The following SLC22A16 variants were observed in gnomAD, a reference collection of about 807,000 sequenced individuals.
The protein encoded by SLC22A16 is WUGSC:RG331P03.1.
Under a neutral mutation model 52.9 loss-of-function variants are expected in SLC22A16, and 53 were observed. That is an observed-to-expected ratio of 1.00 (90% CI 0.80 to 1.26). The LOEUF (loss-of-function observed/expected upper bound fraction) is 1.26, where lower values mean the gene tolerates loss of function less well. SLC22A16 is among the 50% of genes most tolerant of loss of function. The pLI, the probability that SLC22A16 is intolerant of heterozygous loss-of-function variation, is 0.00. For synonymous variants in SLC22A16, 291 were observed against 268.8 expected (o/e 1.08, Z -0.81); for missense variants, 726 against 704.0 (o/e 1.03, Z -0.35).
intron 7 of SLC22A16, among the ~76,000 whole-genome samples, chr6:110,430,467 G>A (rs1418453448): frequency 6.6e-6 from 1 of 152,046 alleles, no homozygotes; most frequent in Non-Finnish European, 1.5e-5. Flanking sequence ...AATCAGAAAA[G>A]AGAAAGGAGG....
chr6:110,476,243 G>T, intron 1 of SLC22A16: 2 of 894,830 alleles, frequency 2.2e-6, no homozygotes, highest in Non-Finnish European at 3.1e-6. Context: ...ATCTGCTGCC[G>T]CGGAGAGCAC....
intron 1 of SLC22A16, among the ~76,000 whole-genome samples, chr6:110,461,095 C>G (rs914222600): frequency 2.0e-5 from 3 of 152,218 alleles, no homozygotes; most frequent in Non-Finnish European, 2.9e-5. Flanking sequence ...GCTGCATCCC[C>G]ACTGAAAGTG....
chr6:110,468,662 A>G (rs2114279435), intron 1 of SLC22A16, among the ~76,000 whole-genome samples: 1 of 150,092 alleles, frequency 6.7e-6, no homozygotes, highest in Non-Finnish European at 1.5e-5. Flanking sequence ...AAAAAAAACA[A>G]AATGGAGAAG....
intron 1 of SLC22A16, among the ~76,000 whole-genome samples, chr6:110,457,233 G>A (rs561914792): frequency 3.9e-5 from 6 of 152,154 alleles, no homozygotes; most frequent in East Asian, 1.9e-4. Context: ...GACATCCCAA[G>A]AGCAGCAAGC....
intron 2 of SLC22A16, chr6:110,455,763 A>C (rs1204730160): frequency 1.3e-5 from 2 of 152,164 alleles, no homozygotes; most frequent in Non-Finnish European, 2.9e-5. Context: ...GGGAGGTGAT[A>C]AAGTCATGAC....
chr6:110,433,387 T>C (rs1774586678), intron 6 of SLC22A16, among the ~76,000 whole-genome samples: 1 of 152,220 alleles, frequency 6.6e-6, no homozygotes, highest in South Asian at 2.1e-4. Context: ...CAGGGCTGCC[T>C]GCCCTAGCAT....
At chr6:110,425,413 C>T in intron 7 of SLC22A16, 1 of 1,317,780 alleles carries the variant, frequency 7.6e-7, no homozygotes, top group Non-Finnish European at 1.0e-6. Flanking sequence ...GACACTTACC[C>T]CATCTTTCCA....
intron 3 of SLC22A16, among the ~76,000 whole-genome samples, chr6:110,445,017 T>C (rs1775113911): frequency 6.6e-6 from 1 of 152,110 alleles, no homozygotes; most frequent in African/African-American, 2.4e-5. Context: ...TCCAAAACAC[T>C]CTGTGAATCC....
intron 7 of SLC22A16, 94 bp from the exon 8 acceptor site, chr6:110,425,179 G>A: frequency 3.2e-6 from 5 of 1,550,936 alleles, no homozygotes; most frequent in Non-Finnish European, 4.4e-6. Flanking sequence ...AGAGGGTAAT[G>A]GATTTGAATT....
At chr6:110,459,370 C>T (rs749040931) in intron 1 of SLC22A16, among the ~76,000 whole-genome samples, 1 of 152,206 alleles carries the variant, frequency 6.6e-6, no homozygotes, top group Non-Finnish European at 1.5e-5. Context: ...TGTATCCCTC[C>T]TATGATCTGA....
In SLC22A16 at chr6:110,442,673, C is replaced by T; in HGVS notation, c.754G>A (p.Val252Ile). 1 of 1,614,140 alleles carries T rather than the reference C, an allele frequency of 6.2e-7. No homozygotes were observed. Among genetic ancestry groups the T allele is most frequent in the South Asian group, 1.1e-5 (1 of 91,086 alleles). Residue 252 changes from valine to isoleucine, a missense_variant, in exon 4 of 8, where the codon GTT (valine) becomes ATT (isoleucine). Transcript: ENST00000368919. ...GTCAAAGCCACCAGCAGGGTTCCAA[C>T]TGCAAAAAAGGAATGCAAATGGACA... ...ASVHLHSFFAVGTLLVALTGY... is the reference protein window; with the variant it reads ...ASVHLHSFFAIGTLLVALTGY...
chr6:110,441,488 G>A (rs1452141848), intron 4 of SLC22A16, among the ~76,000 whole-genome samples: 3 of 152,188 alleles, frequency 2.0e-5, no homozygotes, highest in South Asian at 4.1e-4. Flanking sequence ...TGGTTACCAA[G>A]GGGGGCCATG....
rs140426435 is a variant in SLC22A16, at chr6:110,436,820, G to A, written c.1312-859C>T. On this transcript the variant is annotated intron_variant, in intron 5 of 7. Coordinates refer to ENST00000368919, the MANE Select transcript of SLC22A16 (RefSeq NM_033125.4). ...ATGGCAAAACCTTTACCTCCACCTCGGTTTTTATTCTCCCTAATGTGTTCC... is the reference window on the plus strand; with the variant it reads ...ATGGCAAAACCTTTACCTCCACCTCAGTTTTTATTCTCCCTAATGTGTTCC... Among the ~76,000 whole-genome samples the A allele has an allele frequency of 3.1e-4, 47 of 152,162 alleles. No individual in the cohort carries two copies. In the East Asian group the frequency reaches 3.1e-3, roughly 10 times the overall value.
In SLC22A16 at chr6:110,456,910, G is replaced by A. The variant is rs1195735445; in HGVS notation, c.161C>T (p.Pro54Leu). 1 of 1,613,730 alleles carries A rather than the reference G, an allele frequency of 6.2e-7. No individual in the cohort carries two copies. Among genetic ancestry groups the A allele is most frequent in the East Asian group, 2.2e-5 (1 of 44,878 alleles). Residue 54 changes from proline (P) to leucine (L), a missense_variant, in exon 2 of 8, where the codon CCC (proline) becomes CTC (leucine). Transcript: ENST00000368919. ...MGVTPHHVCR[P>L]PGNVSQVVFH... ...AACAACCTGACTCACATTGCCTGGG[G>A]GCCTGCAGACATGATGAGGGGTGAC...
rs1333972530 is a variant in SLC22A16, at chr6:110,454,647, T to A, written c.533+1891A>T. Among the ~76,000 whole-genome samples, 21 of 47,220 alleles carry A rather than the reference T, an allele frequency of 4.4e-4. No homozygotes were observed. In the South Asian group the frequency reaches 5.9e-3, roughly 13 times the overall value. The allele number at this position is 47,220 out of a possible 152,430, so 31.0% of individuals were successfully genotyped here. The stretch of plus-strand genomic sequence containing the variant: ...ATATATATTTATATATATTATATAT[T>A]TTATATATATTATATATATTTATAT... On this transcript the variant is annotated intron_variant, in intron 2 of 7. Transcript: ENST00000368919.
rs72939924 is a variant in SLC22A16 at position 110,453,245 on chromosome 6, A to G, written c.533+3293T>C. On this transcript the variant is annotated intron_variant, in intron 2 of 7. Coordinates refer to ENST00000368919, the MANE Select transcript of SLC22A16 (RefSeq NM_033125.4). ...GTTATTTTATTATTTGTGCCTGATA[A>G]TTCTAGTATTTGAAGTCTTTGTGCA... Among the ~76,000 whole-genome samples the G allele has an allele frequency of 4.6e-3, 698 of 152,158 alleles. 1 individual carries two copies. Among genetic ancestry groups the G allele is most frequent in the Non-Finnish European group, 6.7e-3 (458 of 68,008 alleles).
intron 1 of SLC22A16, chr6:110,475,066 A>C: frequency 4.1e-6 from 2 of 488,914 alleles, no homozygotes; most frequent in Non-Finnish European, 8.2e-6. Flanking sequence ...TAAAATGCTC[A>C]AGACCGTATA....
chr6:110,425,178 T>C, intron 7 of SLC22A16, 93 bp from the exon 8 acceptor site: 1 of 1,551,642 alleles, frequency 6.4e-7, no homozygotes, highest in Non-Finnish European at 8.7e-7. Flanking sequence ...CAGAGGGTAA[T>C]GGATTTGAAT....
chr6:110,438,635 C>T (rs574887380), intron 5 of SLC22A16, 85 bp downstream of exon 5: 234 of 1,435,790 alleles, frequency 1.6e-4, no homozygotes, highest in Non-Finnish European at 1.1e-4. Flanking sequence ...CTGAATTGAC[C>T]TTCATACTTA....
Sources: gnomAD v4.1 joint callset for allele counts (sites outside exome capture counted in the v4.1 genomes callset) on GRCh38, gnomAD v4.1.1 for gene constraint, MANE v1.5 for transcripts, NCBI Gene and HGNC (gene_info 2026-07-23, HGNC 2026-07-21) for gene names.